Variants in NTM observed in about 807,000 individuals in gnomAD.
The protein encoded by NTM is neurotrimin, also known as IgLON family member 2.
Under a neutral mutation model 42.1 loss-of-function variants are expected in NTM, and 13 were observed. That is an observed-to-expected ratio of 0.31 (90% CI 0.20 to 0.49). NTM has a LOEUF of 0.49. NTM is among the 20% of genes least tolerant of loss of function. The pLI is 0.99. For synonymous variants in NTM, 187 were observed against 179.2 expected (o/e 1.04, Z -0.35); for missense variants, 373 against 452.8 (o/e 0.82, Z 1.60).
chr11:131,953,568 CT>C (rs2061251589), intron 2 of NTM, among the ~76,000 whole-genome samples: 1 of 152,128 alleles, frequency 6.6e-6, no homozygotes, highest in African/African-American at 2.4e-5. Context: ...AAGGAGGGAG[CT>C]TTTTCTAGGC....
At position 131,424,595 on chromosome 11, in the gene NTM, C is replaced by CTTTTTTTTTTTTTTTTTTTT. The variant is rs1446801058; in HGVS notation, c.82+53711_82+53712insTTTTTTTTTTTTTTTTTTTT. On this transcript the variant is annotated intron_variant, in intron 1 of 8. Coordinates refer to ENST00000683400, the MANE Select transcript of NTM (RefSeq NM_001352005.2). ...TGCTTAGTTGTTTTTTATTTCTTTTCTTTTCTTTTTTTTTTTTTTTTTTGG... is the reference window on the plus strand; with the variant it reads ...TGCTTAGTTGTTTTTTATTTCTTTTCTTTTTTTTTTTTTTTTTTTTTTTTCTTTTTTTTTTTTTTTTTTGG... Among the ~76,000 whole-genome samples, 76 of 39,600 alleles carry CTTTTTTTTTTTTTTTTTTTT rather than the reference C, an allele frequency of 1.9e-3. 10 individuals carry two copies. In the East Asian group the frequency reaches 0.02, roughly 10 times the overall value. 26.0% of individuals were successfully genotyped at this position (39,600 alleles called of 152,430 possible).
intron 1 of NTM, among the ~76,000 whole-genome samples, chr11:131,706,423 A>C (rs190263892): frequency 3.3e-5 from 5 of 152,182 alleles, no homozygotes; most frequent in African/African-American, 9.6e-5. Flanking sequence ...TGTATAGCTT[A>C]CTCAGACAGA....
At chr11:132,024,411 T>C (rs2074864241) in intron 2 of NTM, among the ~76,000 whole-genome samples, 1 of 152,240 alleles carries the variant, frequency 6.6e-6, no homozygotes, top group African/African-American at 2.4e-5. Context: ...CGGAAATTAT[T>C]TGTAGAAAAT....
intron 1 of NTM, among the ~76,000 whole-genome samples, chr11:131,520,803 G>A (rs1419930854): frequency 6.6e-6 from 1 of 151,644 alleles, no homozygotes; most frequent in Non-Finnish European, 1.5e-5. Flanking sequence ...TTTTTTTCAA[G>A]TACATATGTC....
chr11:131,550,972 C>A (rs1007296905), intron 1 of NTM, among the ~76,000 whole-genome samples: 2 of 152,158 alleles, frequency 1.3e-5, no homozygotes, highest in Non-Finnish European at 2.9e-5. Flanking sequence ...AGCCTAGATG[C>A]AGACCCGCTG....
chr11:131,695,480 G>A (rs1386668776), intron 1 of NTM, among the ~76,000 whole-genome samples: 1 of 152,188 alleles, frequency 6.6e-6, no homozygotes, highest in Non-Finnish European at 1.5e-5. Flanking sequence ...TTTTATAAAT[G>A]CAATTCAGAG....
At chr11:132,194,083 G>A (rs2079762536) in intron 3 of NTM, among the ~76,000 whole-genome samples, 1 of 151,560 alleles carries the variant, frequency 6.6e-6, no homozygotes, top group African/African-American at 2.4e-5. Flanking sequence ...AAAAAATAAA[G>A]GAGGAGGGAC....
chr11:131,650,261 C>T (rs1243796396), intron 1 of NTM, among the ~76,000 whole-genome samples: 1 of 152,208 alleles, frequency 6.6e-6, no homozygotes, highest in Admixed American at 6.5e-5. Flanking sequence ...ATTCTAAAAG[C>T]AATGCCCTCC....
intron 1 of NTM, among the ~76,000 whole-genome samples, chr11:131,896,786 T>TCAA (rs1324613737): frequency 6.6e-6 from 1 of 150,914 alleles, no homozygotes; most frequent in African/African-American, 2.5e-5. Context: ...CCTCCCGGGT[T>TCAA]CACGCCATTC....
chr11:131,847,517 C>T (rs78157303), intron 1 of NTM, among the ~76,000 whole-genome samples: 1 of 152,018 alleles, frequency 6.6e-6, no homozygotes, highest in East Asian at 1.9e-4. Context: ...AGGCAGGAAG[C>T]TGTGGCTCAT....
chr11:132,279,476 T>C (rs983992391), intron 4 of NTM, among the ~76,000 whole-genome samples: 2 of 152,214 alleles, frequency 1.3e-5, no homozygotes, highest in African/African-American at 2.4e-5. Flanking sequence ...TTGTCATGTT[T>C]AGATGCCAGC....
At chr11:131,836,308 C>A (rs376432441) in intron 1 of NTM, among the ~76,000 whole-genome samples, 2 of 152,084 alleles carry the variant, frequency 1.3e-5, no homozygotes, top group African/African-American at 4.8e-5. Context: ...TGAACTAGTT[C>A]GAGAGCTTCT....
intron 4 of NTM, among the ~76,000 whole-genome samples, chr11:132,269,679 C>T (rs541491594): frequency 9.8e-5 from 15 of 152,330 alleles, no homozygotes; most frequent in African/African-American, 2.4e-4. Context: ...TGACATGATA[C>T]TGACTGAGAG....
chr11:131,536,028 C>T (rs147067068), intron 1 of NTM: 1 of 152,158 alleles, frequency 6.6e-6, no homozygotes, highest in Non-Finnish European at 1.5e-5. Context: ...GTAGCACTCA[C>T]CTTATTTCCA....
At chr11:132,311,460 C>G (rs1461900120) in intron 6 of NTM, among the ~76,000 whole-genome samples, 1 of 152,128 alleles carries the variant, frequency 6.6e-6, no homozygotes, top group Non-Finnish European at 1.5e-5. Flanking sequence ...AAAACAAACT[C>G]ATGAAGAAAT....
chr11:131,596,702 C>T (rs953223787), intron 1 of NTM, among the ~76,000 whole-genome samples: 1 of 152,240 alleles, frequency 6.6e-6, no homozygotes, highest in Non-Finnish European at 1.5e-5. Flanking sequence ...CTGTCTGGAG[C>T]CCTGTACTCC....
At chr11:131,447,070 T>C (rs1318974605) in intron 1 of NTM, among the ~76,000 whole-genome samples, 3 of 152,248 alleles carry the variant, frequency 2.0e-5, no homozygotes, top group Non-Finnish European at 4.4e-5. Context: ...CTAATTTACA[T>C]GACCCAGGCT....
intron 1 of NTM, among the ~76,000 whole-genome samples, chr11:131,715,339 T>A (rs1314490670): frequency 2.0e-5 from 3 of 152,222 alleles, no homozygotes; most frequent in Admixed American, 6.5e-5. Context: ...GCAAGTCAAT[T>A]TGCAGAGGTT....
chr11:131,563,099 C>T (rs1183382556), intron 1 of NTM, among the ~76,000 whole-genome samples: 2 of 152,180 alleles, frequency 1.3e-5, no homozygotes, highest in African/African-American at 4.8e-5. Flanking sequence ...TCAGTTTCCA[C>T]ATCTGGAAAG....
Sources: allele counts gnomAD v4.1 joint callset (sites outside exome capture counted in the v4.1 genomes callset), GRCh38; gene constraint gnomAD v4.1.1; transcripts MANE v1.5; gene names NCBI Gene and HGNC (gene_info 2026-07-23, HGNC 2026-07-21).